MACROD2: variants seen among roughly 807,000 people sequenced by gnomAD.
MACROD2 encodes mono-ADP ribosylhydrolase 2.
MACROD2 carries 36 observed loss-of-function variants against 70.4 expected under a neutral mutation model. That is an observed-to-expected ratio of 0.51 (90% CI 0.39 to 0.68). MACROD2 has a LOEUF of 0.68. Among genes scored for constraint, MACROD2 ranks in the 30% least tolerant of loss-of-function variants. The pLI, the probability that MACROD2 is intolerant of heterozygous loss-of-function variation, is 0.00. For missense variants in MACROD2, 496 were observed against 538.4 expected, an observed-to-expected ratio of 0.92 and a Z score of 0.78; for synonymous variants, 172 against 178.8, an observed-to-expected ratio of 0.96 and a Z score of 0.30.
chr20:14,865,990 G>A (rs1021699144), intron 5 of MACROD2, among the ~76,000 whole-genome samples: 7 of 152,016 alleles, frequency 4.6e-5, no homozygotes, highest in African/African-American at 7.2e-5. Flanking sequence ...ATGTATAGAG[G>A]TCAAGTTCCA....
chr20:15,206,946 C>T (rs974790119), intron 5 of MACROD2, among the ~76,000 whole-genome samples: 31 of 150,930 alleles, frequency 2.1e-4, no homozygotes, highest in Non-Finnish European at 3.8e-4. Flanking sequence ...CCTTGTTAGC[C>T]AGGATGGCCT....
chr20:15,300,855 T>G (rs1033485164), intron 6 of MACROD2, among the ~76,000 whole-genome samples: 6 of 152,182 alleles, frequency 3.9e-5, no homozygotes, highest in African/African-American at 1.2e-4. Flanking sequence ...AAATATAGTT[T>G]TAGCTCTTTG....
chr20:15,253,968 T>C (rs1192934500), intron 6 of MACROD2, among the ~76,000 whole-genome samples: 1 of 152,214 alleles, frequency 6.6e-6, no homozygotes, highest in Non-Finnish European at 1.5e-5. Flanking sequence ...TTTATAGGTC[T>C]CATGCTGTCC....
chr20:14,834,202 A>G (rs1354398658), intron 5 of MACROD2, among the ~76,000 whole-genome samples: 1 of 151,678 alleles, frequency 6.6e-6, no homozygotes, highest in African/African-American at 2.4e-5. Context: ...TTAAATGGAT[A>G]TATTTTAAGA....
intron 5 of MACROD2, among the ~76,000 whole-genome samples, chr20:14,755,425 TAACA>T (rs1171999652): frequency 6.6e-5 from 10 of 152,118 alleles, no homozygotes; most frequent in Non-Finnish European, 1.3e-4. Flanking sequence ...GACAAGTGCC[TAACA>T]ACTTCTTATT....
At chr20:15,707,934 TTCTTC>T (rs149461966) in intron 8 of MACROD2, among the ~76,000 whole-genome samples, 3,424 of 151,798 alleles carry the variant, frequency 0.023, 135 homozygotes, top group African/African-American at 0.079. Flanking sequence ...GGTCACCGAG[TTCTTC>T]TCTTAAAGGC....
At chr20:15,904,880 CAAAAAAAAAAA>C (rs10556594) in intron 10 of MACROD2, among the ~76,000 whole-genome samples, 91,572 of 129,406 alleles carry the variant, frequency 0.71, 31,429 homozygotes, top group Non-Finnish European at 0.78. Flanking sequence ...GACTCTGTCT[CAAAAAAAAAAA>C]AAAAAAAAAA....
At chr20:15,543,550 A>G (rs2047986502) in intron 8 of MACROD2, among the ~76,000 whole-genome samples, 1 of 152,178 alleles carries the variant, frequency 6.6e-6, no homozygotes. Flanking sequence ...TACAGAGAAT[A>G]GAAACTTTTA....
intron 6 of MACROD2, among the ~76,000 whole-genome samples, chr20:15,319,750 G>T (rs996164858): frequency 2.0e-5 from 3 of 152,124 alleles, no homozygotes; most frequent in Non-Finnish European, 4.4e-5. Context: ...ATTAATTGTG[G>T]TATACAATGG....
At position 15,855,867 on chromosome 20, in the gene MACROD2, G is replaced by T. The variant is rs1382823376; in HGVS notation, c.646-6878G>T. 2.0e-5 allele frequency among the ~76,000 whole-genome samples: 3 copies of T among 151,712 alleles called. No individual in the cohort carries two copies. In the East Asian group the frequency reaches 5.8e-4, roughly 29 times the overall value. On this transcript the variant is annotated intron_variant, in intron 8 of 17. Transcript: ENST00000684519. ...TATTTTGTATGGTTATAAATTTTTT[G>T]TTCTCATTGGTTTTTAATATTCCAT...
intron 5 of MACROD2, among the ~76,000 whole-genome samples, chr20:15,222,574 T>A (rs184278060): frequency 1.1e-4 from 16 of 152,370 alleles, no homozygotes; most frequent in African/African-American, 3.6e-4. Flanking sequence ...TTGGTTTTCT[T>A]CTTAAAATTC....
At chr20:15,166,045 C>T (rs183022254) in intron 5 of MACROD2, among the ~76,000 whole-genome samples, 139 of 152,174 alleles carry the variant, frequency 9.1e-4, no homozygotes, top group African/African-American at 3.1e-3. Flanking sequence ...TTATAAACGA[C>T]GTATCCAAAG....
intron 6 of MACROD2, among the ~76,000 whole-genome samples, chr20:15,294,115 C>CT (rs1308877439): frequency 8.3e-6 from 1 of 120,118 alleles, no homozygotes; most frequent in African/African-American, 3.2e-5. Context: ...GAGCAAAACT[C>CT]TGTCTAAAAA....
chr20:15,059,528 T>A (rs2075515057), intron 5 of MACROD2, among the ~76,000 whole-genome samples: 1 of 152,224 alleles, frequency 6.6e-6, no homozygotes, highest in African/African-American at 2.4e-5. Flanking sequence ...ATTGCTTTCC[T>A]TATGGGGGCA....
At chr20:14,336,403 G>A (rs1355939748) in intron 3 of MACROD2, among the ~76,000 whole-genome samples, 3 of 151,934 alleles carry the variant, frequency 2.0e-5, no homozygotes, top group African/African-American at 7.3e-5. Flanking sequence ...AGACATGGAT[G>A]GGCCTGTTGC....
At chr20:15,294,850 G>C (rs974967042) in intron 6 of MACROD2, among the ~76,000 whole-genome samples, 2 of 152,108 alleles carry the variant, frequency 1.3e-5, no homozygotes, top group South Asian at 2.1e-4. Context: ...AACAAACAAA[G>C]AAACAAAACA....
chr20:14,971,884 C>G lies in MACROD2; in HGVS notation c.419-258056C>G, dbSNP rs531816875. On this transcript the variant is annotated intron_variant, in intron 5 of 17. Coordinates refer to ENST00000684519, the MANE Select transcript of MACROD2 (RefSeq NM_001351661.2). ...GGGAAAATGGAGCCGCCATGTTGGA[C>G]ATGCCTAGACCCAGGTAGCCTTTTC... 3.3e-4 allele frequency among the ~76,000 whole-genome samples: 51 copies of G among 152,320 alleles called. 1 individual carries two copies. The South Asian group carries it at 0.011, about 32-fold the overall frequency.
At chr20:15,634,023 C>T (rs2049329613) in intron 8 of MACROD2, among the ~76,000 whole-genome samples, 1 of 152,210 alleles carries the variant, frequency 6.6e-6, no homozygotes, top group African/African-American at 2.4e-5. Flanking sequence ...CTTCATCTTT[C>T]CCCACCTTAG....
At chr20:15,577,985 A>T (rs1330041958) in intron 8 of MACROD2, among the ~76,000 whole-genome samples, 1 of 152,248 alleles carries the variant, frequency 6.6e-6, no homozygotes, top group Non-Finnish European at 1.5e-5. Flanking sequence ...TGAGCAACAC[A>T]GAATCTGTCT....
Sources: gnomAD v4.1 joint callset for allele counts (sites outside exome capture counted in the v4.1 genomes callset) on GRCh38, gnomAD v4.1.1 for gene constraint, MANE v1.5 for transcripts, NCBI Gene and HGNC (gene_info 2026-07-23, HGNC 2026-07-21) for gene names.